ARHGEF28: variants seen among roughly 807,000 people sequenced by gnomAD.
ARHGEF28 encodes 190 kDa guanine nucleotide exchange factor.
A neutral mutation model predicts 206.6 loss-of-function variants in ARHGEF28; 152 were observed. The ratio of observed to expected loss-of-function variants is 0.74; its 90% CI spans 0.64 to 0.84. The LOEUF is 0.84. ARHGEF28 is among the 40% of genes least tolerant of loss of function. The probability of loss-of-function intolerance (pLI) is 0.00; values close to 1 mark genes in which losing one functional copy is unlikely to be tolerated. For synonymous variants in ARHGEF28, 763 were observed against 776.4 expected, an observed-to-expected ratio of 0.98 and a Z score of 0.29; for missense variants, 2,028 against 2,073.2, an observed-to-expected ratio of 0.98 and a Z score of 0.42.
At chr5:73,932,003 T>TA (rs1329274885) in intron 35 of ARHGEF28, among the ~76,000 whole-genome samples, 1 of 152,214 alleles carries the variant, frequency 6.6e-6, no homozygotes, top group Non-Finnish European at 1.5e-5. Flanking sequence ...TGAAATACCT[T>TA]AAAAACAAAC....
intron 13 of ARHGEF28, among the ~76,000 whole-genome samples, chr5:73,849,550 T>C (rs1199007278): frequency 1.3e-5 from 2 of 152,134 alleles, no homozygotes; most frequent in Admixed American, 6.5e-5. Flanking sequence ...AAATAACATA[T>C]TTGTAACATG....
chr5:73,665,013 T>G (rs1039884860), intron 1 of ARHGEF28, among the ~76,000 whole-genome samples: 1 of 152,172 alleles, frequency 6.6e-6, no homozygotes, highest in Non-Finnish European at 1.5e-5. Context: ...GGCCTGTCCA[T>G]TTTGTCTCCT....
intron 1 of ARHGEF28, among the ~76,000 whole-genome samples, chr5:73,648,425 T>G (rs1744583315): frequency 1.3e-5 from 2 of 152,224 alleles, no homozygotes; most frequent in South Asian, 4.1e-4. Flanking sequence ...TAGGAAATAT[T>G]ATTATAAATC....
chr5:73,742,713 A>T (rs1447699804), intron 2 of ARHGEF28, among the ~76,000 whole-genome samples: 1 of 150,154 alleles, frequency 6.7e-6, no homozygotes, highest in Non-Finnish European at 1.5e-5. Context: ...AGTCCCAGCT[A>T]CTCGGGAGGC....
chr5:73,716,148 C>T (rs185629646), intron 2 of ARHGEF28, among the ~76,000 whole-genome samples: 1 of 152,100 alleles, frequency 6.6e-6, no homozygotes, highest in Non-Finnish European at 1.5e-5. Flanking sequence ...TTATGACAAG[C>T]TGTAATGCAC....
chr5:73,763,604 C>T (rs909747527), intron 4 of ARHGEF28, among the ~76,000 whole-genome samples: 4 of 152,234 alleles, frequency 2.6e-5, no homozygotes, highest in East Asian at 3.9e-4. Flanking sequence ...AGTGGGAGGG[C>T]GTCTGAGAAT....
At chr5:73,777,157 G>T (rs1006968535) in intron 6 of ARHGEF28, among the ~76,000 whole-genome samples, 2 of 152,046 alleles carry the variant, frequency 1.3e-5, no homozygotes, top group Non-Finnish European at 2.9e-5. Flanking sequence ...TTCCAAAGAG[G>T]TTTTCACCTT....
At chr5:73,813,436 T>C (rs1755967367) in intron 9 of ARHGEF28, 1 of 1,400,642 alleles carries the variant, frequency 7.1e-7, no homozygotes, top group Non-Finnish European at 9.3e-7. Flanking sequence ...AAAACATTTA[T>C]TGCCTTTCCC....
At chr5:73,702,540 T>A (rs1435202926) in intron 2 of ARHGEF28, among the ~76,000 whole-genome samples, 1 of 152,180 alleles carries the variant, frequency 6.6e-6, no homozygotes, top group East Asian at 1.9e-4. Context: ...CTGCTTTCAA[T>A]TTTTTAGGTA....
At chr5:73,694,530 G>GA (rs1247530412) in intron 2 of ARHGEF28, among the ~76,000 whole-genome samples, 1 of 152,200 alleles carries the variant, frequency 6.6e-6, no homozygotes, top group Non-Finnish European at 1.5e-5. Flanking sequence ...AAATGGGTTA[G>GA]AGTTTTCTCT....
rs191723475 is a variant in ARHGEF28 at position 73,862,306 on chromosome 5, G to A, written c.2048-2511G>A. 3.1e-3 allele frequency among the ~76,000 whole-genome samples: 465 copies of A among 151,924 alleles called. 1 individual carries two copies. The highest frequency in any genetic ancestry group is 5.4e-3 in the Admixed American group (82 of 15,262). ...TGCCTTTTGCATTTAGTTTTACTTT[G>A]TCTAAACTTAATACTCCTCCTGCTT... On this transcript the variant is annotated intron_variant, in intron 16 of 35. Transcript: ENST00000513042.
rs1377564154 is a variant in ARHGEF28, at chr5:73,894,472, G to A, written c.3738G>A (p.Leu1246=). The A allele has an allele frequency of 1.2e-6, 2 of 1,613,892 alleles. No individual in the cohort carries two copies. Among genetic ancestry groups the A allele is most frequent in the Non-Finnish European group, 1.7e-6 (2 of 1,179,852 alleles). ...ATATCTATGCTGAACTTGGAGAACTGAGCGGATTTGAGGACGTCCATCTAG... is the reference window on the plus strand; with the variant it reads ...ATATCTATGCTGAACTTGGAGAACTAAGCGGATTTGAGGACGTCCATCTAG... ...KLHIYAELGE[L]SGFEDVHLEP... Residue 1246 remains leucine, a synonymous_variant, in exon 29 of 36, where the codon CTG becomes CTA. Coordinates refer to ENST00000513042, the MANE Select transcript of ARHGEF28 (RefSeq NM_001177693.2).
chr5:73,841,726 A>G, intron 11 of ARHGEF28, among the ~76,000 whole-genome samples: 1 of 151,486 alleles, frequency 6.6e-6, no homozygotes. Context: ...AAAAAAAAAA[A>G]AAGAGAGAAA....
At chr5:73,725,807 T>C (rs1187174846) in intron 2 of ARHGEF28, among the ~76,000 whole-genome samples, 1 of 152,176 alleles carries the variant, frequency 6.6e-6, no homozygotes, top group Non-Finnish European at 1.5e-5. Flanking sequence ...CTCATGACAT[T>C]TGACTGGACA....
At chr5:73,855,175 A>G (rs1758940370) in intron 14 of ARHGEF28, among the ~76,000 whole-genome samples, 1 of 152,152 alleles carries the variant, frequency 6.6e-6, no homozygotes, top group South Asian at 2.1e-4. Context: ...ATTATTTTCT[A>G]AAGTGCCTGA....
At chr5:73,688,381 A>G (rs1178193634) in intron 2 of ARHGEF28, among the ~76,000 whole-genome samples, 1 of 152,128 alleles carries the variant, frequency 6.6e-6, no homozygotes, top group Non-Finnish European at 1.5e-5. Flanking sequence ...TTCTTATAAC[A>G]TTTTTATGGC....
At chr5:73,642,191 C>T (rs986958966) in intron 1 of ARHGEF28, among the ~76,000 whole-genome samples, 6 of 152,234 alleles carry the variant, frequency 3.9e-5, no homozygotes, top group African/African-American at 1.4e-4. Context: ...CCTGCCTCTA[C>T]ATTTGCAGAT....
Position 73,733,520 on chromosome 5 carries a change from G to A in ARHGEF28, c.34-16317G>A, listed in dbSNP as rs534600286. 6.6e-5 allele frequency among the ~76,000 whole-genome samples: 10 copies of A among 152,250 alleles called. No individual in the cohort carries two copies. In the South Asian group the frequency reaches 2.1e-3, roughly 32 times the overall value. ...CTTCATTATGTGGGAGGGTCTGTTA[G>A]TACATTCTTGCATTGCTATCAAGAA... On this transcript the variant is annotated intron_variant, in intron 2 of 35. Coordinates refer to ENST00000513042, the MANE Select transcript of ARHGEF28 (RefSeq NM_001177693.2).
At chr5:73,671,694 TTATA>T (rs1182569252) in intron 1 of ARHGEF28, among the ~76,000 whole-genome samples, 260 of 75,932 alleles carry the variant, frequency 3.4e-3, no homozygotes, top group Non-Finnish European at 4.5e-3. Flanking sequence ...TTGAACTTGA[TTATA>T]TATATATATA....
Sources: gnomAD v4.1 joint callset for allele counts (sites outside exome capture counted in the v4.1 genomes callset) on GRCh38, gnomAD v4.1.1 for gene constraint, MANE v1.5 for transcripts, NCBI Gene and HGNC (gene_info 2026-07-23, HGNC 2026-07-21) for gene names.